Variants in AQR observed in about 807,000 individuals in gnomAD.
The protein encoded by AQR is RNA helicase aquarius.
A neutral mutation model predicts 180.5 loss-of-function variants in AQR; 61 were observed. That is an observed-to-expected ratio of 0.34 (90% confidence interval 0.28 to 0.42). The LOEUF (loss-of-function observed/expected upper bound fraction) is 0.42, where lower values mean the gene tolerates loss of function less well. Ranked by LOEUF, AQR falls within the 10% of genes least tolerant of loss-of-function variation. The pLI is 1.00. For synonymous variants in AQR, 551 were observed against 588.8 expected (o/e 0.94, Z 0.93); for missense variants, 1,281 against 1,798.3 (o/e 0.71, Z 5.20).
At chr15:34,909,888 G>A (rs2140480646) in intron 17 of AQR, among the ~76,000 whole-genome samples, 1 of 152,184 alleles carries the variant, frequency 6.6e-6, no homozygotes, top group South Asian at 2.1e-4. Context: ...TTTTCAAAAC[G>A]TTGATATGTA....
Position 34,900,627 on chromosome 15 carries a change from A to T in AQR, c.2238T>A (p.Pro746=). The T allele has an allele frequency of 1.2e-6, 2 of 1,613,650 alleles. No homozygotes were observed. Among genetic ancestry groups the T allele is most frequent in the Non-Finnish European group, 1.7e-6 (2 of 1,179,750 alleles). ...GTACCCAGTTCTGACTTTACCTGAA[A>T]GGGGGTATTTGTAGAGCAGGGTCTT... The part of the protein sequence containing the change: ...TVEDPALQIP[P]FRITFPVRSG... Residue 746 remains proline, a synonymous_variant, in exon 20 of 35, where the codon CCT becomes CCA. Transcript: ENST00000156471.
chr15:34,919,089 A>T (rs1707037564), intron 14 of AQR, among the ~76,000 whole-genome samples: 1 of 152,068 alleles, frequency 6.6e-6, no homozygotes, highest in African/African-American at 2.4e-5. Context: ...AAATACAAAA[A>T]TTAGCTGGGC....
At chr15:34,962,972 T>C (rs1257801445) in intron 2 of AQR, among the ~76,000 whole-genome samples, 1 of 152,142 alleles carries the variant, frequency 6.6e-6, no homozygotes, top group East Asian at 1.9e-4. Flanking sequence ...ATCTATTTCA[T>C]TTAAAGACCT....
chr15:34,938,223 C>T (rs569967777), intron 9 of AQR, among the ~76,000 whole-genome samples: 1 of 152,114 alleles, frequency 6.6e-6, no homozygotes, highest in East Asian at 1.9e-4. Context: ...ATTTCAATAA[C>T]CACACTGGTG....
At chr15:34,960,671 G>C in intron 3 of AQR, 103 bp downstream of exon 3, 1 of 558,130 alleles carries the variant, frequency 1.8e-6, no homozygotes, top group Non-Finnish European at 3.1e-6. Context: ...CGACCAGTTT[G>C]AAACAGAAAA....
chr15:34,884,381 G>A, intron 26 of AQR, 144 bp downstream of exon 26: 4 of 677,696 alleles, frequency 5.9e-6, no homozygotes, highest in Non-Finnish European at 9.3e-6. Flanking sequence ...ACTCCAGCCT[G>A]GGCAACAGGG....
chr15:34,877,705 A>T (rs1892907901), intron 27 of AQR, among the ~76,000 whole-genome samples: 1 of 152,242 alleles, frequency 6.6e-6, no homozygotes, highest in South Asian at 2.1e-4. Context: ...TTTGTTTTTT[A>T]AAATACAGAT....
chr15:34,865,326 TG>T (rs1892725910), intron 32 of AQR, among the ~76,000 whole-genome samples: 1 of 152,238 alleles, frequency 6.6e-6, no homozygotes, highest in South Asian at 2.1e-4. Flanking sequence ...CAATGAATGC[TG>T]GAAAAGGGAC....
In AQR at chr15:34,944,341, G is replaced by A; in HGVS notation, c.418C>T (p.Leu140Phe). The A allele has an allele frequency of 6.2e-7, 1 of 1,611,346 alleles. No individual in the cohort carries two copies. Among genetic ancestry groups the A allele is most frequent in the South Asian group, 1.1e-5 (1 of 90,666 alleles). ...AGTAGTAAGACTGTCTGTTCATGAA[G>A]TGAAAATTCACCATCAGTTTCAGCT... The part of the protein sequence containing the change: ...ALAETDGEFS[L>F]HEQTVLLLFL... The change falls in exon 6 of 35, where the codon CTT (leucine) becomes TTT (phenylalanine). Residue 140 changes from leucine to phenylalanine, a missense_variant. This residue lies in a region of AQR where 404 missense variants were observed against 490.9 expected (regional missense o/e 0.82). Transcript: ENST00000156471.
intron 13 of AQR, among the ~76,000 whole-genome samples, chr15:34,921,779 TC>T (rs1406507044): frequency 1.3e-5 from 2 of 152,002 alleles, no homozygotes; most frequent in Non-Finnish European, 2.9e-5. Context: ...TTCCAGGAGG[TC>T]AAATAAATGG....
intron 27 of AQR, among the ~76,000 whole-genome samples, chr15:34,878,732 T>C (rs1433438627): frequency 6.6e-6 from 1 of 152,118 alleles, no homozygotes; most frequent in Non-Finnish European, 1.5e-5. Context: ...TTTAACTTCG[T>C]GTTTGTAAAA....
intron 9 of AQR, among the ~76,000 whole-genome samples, chr15:34,936,836 C>A (rs1418995462): frequency 6.6e-6 from 1 of 152,052 alleles, no homozygotes; most frequent in Non-Finnish European, 1.5e-5. Flanking sequence ...CTAGACGACC[C>A]TAGATAAACA....
intron 9 of AQR, among the ~76,000 whole-genome samples, chr15:34,935,556 A>C (rs1445484523): frequency 6.6e-6 from 1 of 152,216 alleles, no homozygotes; most frequent in African/African-American, 2.4e-5. Flanking sequence ...AAAGCAAGAA[A>C]TGTGAATACT....
chr15:34,925,446 C>T (rs1893746375), intron 13 of AQR, among the ~76,000 whole-genome samples: 1 of 152,246 alleles, frequency 6.6e-6, no homozygotes, highest in Non-Finnish European at 1.5e-5. Context: ...GTTTTAAACG[C>T]ATGCCCCGTT....
At position 34,903,399 on chromosome 15, in the gene AQR, TGGACATGTGTAAGG is replaced by T. The variant is rs138636089; in HGVS notation, c.2001+923_2001+936del. ...TTAAAAGGATTATTCAGCCATTATG[TGGACATGTGTAAGG>T]GGAGGAATAGACAAGAAAGGAGGCA... On this transcript the variant is annotated intron_variant, in intron 19 of 34. Transcript: ENST00000156471. Among the ~76,000 whole-genome samples the T allele has an allele frequency of 8.5e-3, 1,300 of 152,216 alleles. 19 individuals carry two copies. Among genetic ancestry groups the T allele is most frequent in the African/African-American group, 0.03 (1,238 of 41,548 alleles).
chr15:34,934,418 C>T (rs1243215817), intron 10 of AQR, among the ~76,000 whole-genome samples, 153 bp downstream of exon 10: 1 of 148,576 alleles, frequency 6.7e-6, no homozygotes, highest in East Asian at 1.9e-4. Flanking sequence ...CCTTTCCTTT[C>T]TCTCATTAAT....
chr15:34,921,349 G>A (rs967648944), intron 13 of AQR, among the ~76,000 whole-genome samples: 7 of 148,586 alleles, frequency 4.7e-5, no homozygotes, highest in Admixed American at 2.7e-4. Flanking sequence ...CAGGAGAATC[G>A]CTTAAACCCA....
intron 16 of AQR, among the ~76,000 whole-genome samples, chr15:34,910,691 C>T (rs893241098): frequency 2.6e-5 from 4 of 152,064 alleles, no homozygotes; most frequent in Admixed American, 1.3e-4. Flanking sequence ...GCTTTATTGA[C>T]GTATACTTGA....
rs200628632 is a variant in AQR, at chr15:34,961,813, A to G, written c.133-999T>C. 6.6e-5 allele frequency among the ~76,000 whole-genome samples: 10 copies of G among 152,206 alleles called. No individual in the cohort carries two copies. In the East Asian group the frequency reaches 1.9e-3, roughly 29 times the overall value. On this transcript the variant is annotated intron_variant, in intron 2 of 34. Transcript: ENST00000156471. ...TCCTTACCCACAAAACAGATCTAAT[A>G]ACACAAACTACCACACAGGGTTACT...
Sources: gnomAD v4.1 joint callset for allele counts (sites outside exome capture counted in the v4.1 genomes callset) on GRCh38, gnomAD v4.1.1 for gene constraint, gnomAD v4.1.1 regional missense constraint, MANE v1.5 for transcripts, NCBI Gene and HGNC (gene_info 2026-07-23, HGNC 2026-07-21) for gene names.